SCAND3: variants seen among roughly 807,000 people sequenced by gnomAD.
SCAND3 encodes SCAN domain containing 3.
chr6:28,581,241 G>GCTCA, the SCAND3 span, among the ~76,000 whole-genome samples: 1 of 152,132 alleles, frequency 6.6e-6, no homozygotes, highest in Non-Finnish European at 1.5e-5. Context: ...AGGAGGCTGA[G>GCTCA]GAAGGCAGAT....
the SCAND3 span, among the ~76,000 whole-genome samples, chr6:28,615,803 G>A: frequency 6.6e-6 from 1 of 152,054 alleles, no homozygotes; most frequent in Non-Finnish European, 1.5e-5. Context: ...CTGAACAAAC[G>A]TGTATGTGTC....
At chr6:28,573,310 G>A in the SCAND3 span, 1 of 1,614,074 alleles carries the variant, frequency 6.2e-7, no homozygotes, top group Non-Finnish European at 8.5e-7. Flanking sequence ...CTTCTTTGCT[G>A]CAGATTCACC....
At chr6:28,570,585 G>A in the SCAND3 span, 7 of 152,106 alleles carry the variant, frequency 4.6e-5, no homozygotes, top group African/African-American at 1.4e-4. Flanking sequence ...TACTTTCAAA[G>A]GTTTGGAGGA....
At chr6:28,614,839 T>C in the SCAND3 span, among the ~76,000 whole-genome samples, 3 of 152,186 alleles carry the variant, frequency 2.0e-5, no homozygotes, top group African/African-American at 7.2e-5. Context: ...AATAAAAATA[T>C]TCCAGCCTAG....
At chr6:28,586,515 T>C in the SCAND3 span, 1 of 1,614,240 alleles carries the variant, frequency 6.2e-7, no homozygotes, top group East Asian at 2.2e-5. The surrounding 1 kb of genome is among the most constrained non-coding windows in gnomAD (Gnocchi z 4.4). Flanking sequence ...ACTCAGAGCC[T>C]CCCTGGGCCC....
the SCAND3 span, among the ~76,000 whole-genome samples, chr6:28,594,483 C>T: frequency 1.3e-5 from 2 of 152,306 alleles, no homozygotes; most frequent in African/African-American, 2.4e-5. Flanking sequence ...GGTGAAACCC[C>T]GTTTCTACTA....
the SCAND3 span, chr6:28,572,751 C>T: frequency 6.2e-7 from 1 of 1,613,950 alleles, no homozygotes; most frequent in Non-Finnish European, 8.5e-7. The surrounding 1 kb of genome is among the most constrained non-coding windows in gnomAD (Gnocchi z 4.1). Flanking sequence ...GATCAGCTTC[C>T]ATATTATCAC....
the SCAND3 span, among the ~76,000 whole-genome samples, chr6:28,613,285 A>T: frequency 6.6e-6 from 1 of 152,202 alleles, no homozygotes; most frequent in African/African-American, 2.4e-5. Context: ...CACTGTTCAG[A>T]GAGGTGGTTT....
At chr6:28,593,368 C>A in the SCAND3 span, among the ~76,000 whole-genome samples, 1 of 146,588 alleles carries the variant, frequency 6.8e-6, no homozygotes, top group African/African-American at 2.7e-5. Context: ...ACTTCACAAC[C>A]ATTAGAATGA....
chr6:28,574,629 G>GAT, the SCAND3 span: 165 of 1,599,202 alleles, frequency 1.0e-4, no homozygotes, highest in South Asian at 1.8e-3. Flanking sequence ...ATCTACGGCA[G>GAT]ATATTCAATC....
the SCAND3 span, among the ~76,000 whole-genome samples, chr6:28,576,362 C>A: frequency 2.0e-5 from 3 of 152,230 alleles, no homozygotes; most frequent in East Asian, 3.9e-4. Flanking sequence ...TAGATTCAAG[C>A]AATTCTCCTA....
chr6:28,589,298 T>G, the SCAND3 span: 1 of 152,202 alleles, frequency 6.6e-6, no homozygotes, highest in Non-Finnish European at 1.5e-5. Flanking sequence ...CTGACCTAAC[T>G]CTTTCGGATC....
the SCAND3 span, among the ~76,000 whole-genome samples, chr6:28,581,933 C>T: frequency 1.3e-5 from 2 of 152,212 alleles, no homozygotes; most frequent in Non-Finnish European, 2.9e-5. Context: ...GGTATTTCCC[C>T]TGTGGGGGAA....
chr6:28,599,502 T>C, the SCAND3 span, among the ~76,000 whole-genome samples: 1 of 152,182 alleles, frequency 6.6e-6, no homozygotes, highest in Non-Finnish European at 1.5e-5. Context: ...AAAGGGAGCT[T>C]GTGGGAGGTA....
the SCAND3 span, among the ~76,000 whole-genome samples, chr6:28,605,058 C>G: frequency 6.6e-6 from 1 of 152,216 alleles, no homozygotes; most frequent in Non-Finnish European, 1.5e-5. Flanking sequence ...CTCCAACTCT[C>G]TGCTTTTCTG....
At chr6:28,611,426 C>A in the SCAND3 span, among the ~76,000 whole-genome samples, 3 of 152,238 alleles carry the variant, frequency 2.0e-5, no homozygotes, top group African/African-American at 7.2e-5. Flanking sequence ...ACAAAGGTCA[C>A]TCCTGGAAGA....
chr6:28,608,139 T>G, the SCAND3 span, among the ~76,000 whole-genome samples: 1 of 152,212 alleles, frequency 6.6e-6, no homozygotes, highest in Non-Finnish European at 1.5e-5. Context: ...CCGCTCCCAC[T>G]AGCTACTCTC....
the SCAND3 span, chr6:28,575,413 G>C: frequency 6.2e-7 from 1 of 1,613,930 alleles, no homozygotes; most frequent in South Asian, 1.1e-5. The surrounding 1 kb of genome is among the most constrained non-coding windows in gnomAD (Gnocchi z 4.2). Flanking sequence ...TAGGACACTG[G>C]GTGCTCCAAT....
chr6:28,572,328 T>C, the SCAND3 span: 1 of 1,599,838 alleles, frequency 6.3e-7, no homozygotes, highest in South Asian at 1.1e-5. The surrounding 1 kb of genome is among the most constrained non-coding windows in gnomAD (Gnocchi z 4.1). Context: ...ATTCAAAACA[T>C]TCTAACAAAT....
Sources: allele counts gnomAD v4.1 joint callset (sites outside exome capture counted in the v4.1 genomes callset), GRCh38; gene constraint gnomAD v4.1.1; non-coding constraint Gnocchi (gnomAD v3.1); transcripts MANE v1.5; gene names NCBI Gene and HGNC (gene_info 2026-07-23, HGNC 2026-07-21).